Variants in NDUFA10 observed in about 807,000 individuals in gnomAD.
The protein encoded by NDUFA10 is NADH:ubiquinone oxidoreductase subunit A10, also known as NADH dehydrogenase [ubiquinone] 1 alpha subcomplex subunit 10, mitochondrial.
Under a neutral mutation model 47.8 loss-of-function variants are expected in NDUFA10, and 40 were observed. The ratio of observed to expected loss-of-function variants is 0.84; its 90% confidence interval spans 0.65 to 1.09. The LOEUF (loss-of-function observed/expected upper bound fraction) is 1.09. NDUFA10 is among the 50% of genes least tolerant of loss of function. The pLI is 0.00. For missense variants in NDUFA10, 413 were observed against 451.1 expected (o/e 0.92, Z 0.76); for synonymous variants, 183 against 172.2 (o/e 1.06, Z -0.49).
At chr2:239,905,533 G>A (rs954240835) in intron 4 of NDUFA10, among the ~76,000 whole-genome samples, 1 of 152,252 alleles carries the variant, frequency 6.6e-6, no homozygotes, top group Non-Finnish European at 1.5e-5. Flanking sequence ...TGTCGGTTCT[G>A]CACTGAGCAA....
At chr2:239,999,352 C>T (rs993914159) in intron 8 of NDUFA10, among the ~76,000 whole-genome samples, 2 of 152,226 alleles carry the variant, frequency 1.3e-5, no homozygotes, top group Non-Finnish European at 2.9e-5. Context: ...GATCTCCTCT[C>T]TACCATTCCT....
intron 5 of NDUFA10, among the ~76,000 whole-genome samples, chr2:239,893,028 C>T (rs1291282491): frequency 1.3e-5 from 2 of 152,184 alleles, no homozygotes; most frequent in South Asian, 2.1e-4. Context: ...CTTGGGGAGC[C>T]GGGACCCTCA....
At chr2:239,949,017 C>T (rs1694504207) in intron 4 of NDUFA10, among the ~76,000 whole-genome samples, 2 of 152,370 alleles carry the variant, frequency 1.3e-5, no homozygotes, top group South Asian at 4.1e-4. Context: ...AGCCCCCAAC[C>T]CCAAGCTTCC....
At position 239,960,625 on chromosome 2, in the gene NDUFA10, A is replaced by G. The variant is rs1194529274; in HGVS notation, c.*493T>C. 1.7e-5 allele frequency: 18 copies of G among 1,030,844 alleles called. No individual in the cohort carries two copies. Among genetic ancestry groups the G allele is most frequent in the Non-Finnish European group, 2.1e-5 (18 of 855,178 alleles). The allele number at this position is 1,030,844 out of a possible 1,614,324, so 63.9% of individuals were successfully genotyped here. Reference sequence around the variant, plus strand: ...CAGTAGGCCTTTAGAAAAACTCTTCAGCATAATGTAAGCCTCAATTAAACC... The same window carrying G: ...CAGTAGGCCTTTAGAAAAACTCTTCGGCATAATGTAAGCCTCAATTAAACC... On this transcript the variant is annotated 3_prime_UTR_variant, in exon 10 of 10. Transcript: ENST00000252711.
In NDUFA10 at chr2:239,959,897, C is replaced by T; in HGVS notation, c.*1221G>A. 1 of 985,482 alleles carries T rather than the reference C, an allele frequency of 1.0e-6. No homozygotes were observed. The highest frequency in any genetic ancestry group is 1.2e-6 in the Non-Finnish European group (1 of 829,948). 61.0% of individuals were successfully genotyped at this position (985,482 alleles called of 1,614,324 possible). A position where few individuals can be genotyped will look rare whatever the true frequency, so the allele number is the denominator to read the frequency against. On this transcript the variant is annotated 3_prime_UTR_variant, in exon 10 of 10. Coordinates refer to ENST00000252711, the MANE Select transcript of NDUFA10 (RefSeq NM_004544.4). ...ACGCAAGGAGGGAAGGAGTGTGCATCTTCTTCGCATGCTCCGCAGCAGCGA... is the reference window on the plus strand; with the variant it reads ...ACGCAAGGAGGGAAGGAGTGTGCATTTTCTTCGCATGCTCCGCAGCAGCGA...
Position 239,914,594 on chromosome 2 carries a change from T to G in NDUFA10, c.295-19280A>C, listed in dbSNP as rs62649973. Among the ~76,000 whole-genome samples, 29 of 113,690 alleles carry G rather than the reference T, an allele frequency of 2.6e-4. 2 individuals carry two copies. Among genetic ancestry groups the G allele is most frequent in the African/African-American group, 1.1e-3 (27 of 25,388 alleles). 74.6% of individuals were successfully genotyped at this position (113,690 alleles called of 152,430 possible). A position where few individuals can be genotyped will look rare whatever the true frequency, so the allele number is the denominator to read the frequency against. ...CACACACAGAGAACACATACATACA[T>G]AGACACACACAAATATACAGAGATA... On this transcript the variant is annotated intron_variant, in intron 4 of 5. Coordinates refer to the NDUFA10 transcript ENST00000419408.
rs184842002 is a variant in NDUFA10 at position 239,924,846 on chromosome 2, C to T, written c.295-29532G>A. On this transcript the variant is annotated intron_variant, in intron 4 of 5. Coordinates refer to the NDUFA10 transcript ENST00000419408. ...TATTTTAAAATTCTTAGAACTAATG[C>T]GTGTTCATCAAGGCTGCAGGATACA... Among the ~76,000 whole-genome samples, 14 of 152,136 alleles carry T rather than the reference C, an allele frequency of 9.2e-5. 1 individual carries two copies. The East Asian group carries it at 2.5e-3, about 27-fold the overall frequency.
At chr2:239,992,577 G>A (rs902883797) in intron 8 of NDUFA10, among the ~76,000 whole-genome samples, 2 of 152,184 alleles carry the variant, frequency 1.3e-5, no homozygotes, top group African/African-American at 4.8e-5. Context: ...CAGGAGTCAT[G>A]TAAAAATCTT....
At chr2:239,908,717 T>C (rs1693698721) in intron 4 of NDUFA10, among the ~76,000 whole-genome samples, 1 of 152,178 alleles carries the variant, frequency 6.6e-6, no homozygotes, top group Non-Finnish European at 1.5e-5. Flanking sequence ...TCGCAATACA[T>C]GAGGTACACT....
At chr2:239,968,958 A>G (rs1695201575) in intron 9 of NDUFA10, among the ~76,000 whole-genome samples, 1 of 152,242 alleles carries the variant, frequency 6.6e-6, no homozygotes. Flanking sequence ...GGCTCACCAG[A>G]AAGCTGAAAC....
chr2:239,901,830 T>C (rs1223368275), intron 4 of NDUFA10, among the ~76,000 whole-genome samples: 1 of 151,798 alleles, frequency 6.6e-6, no homozygotes, highest in Non-Finnish European at 1.5e-5. Flanking sequence ...CCAACCCTCA[T>C]AGGTGACTTA....
rs547901108 is a variant in NDUFA10 at position 239,928,301 on chromosome 2, G to T, written c.295-32987C>A. Among the ~76,000 whole-genome samples the T allele has an allele frequency of 2.0e-5, 3 of 152,110 alleles. No individual in the cohort carries two copies. The highest frequency in any genetic ancestry group is 1.9e-4 in the East Asian group (1 of 5,178). The stretch of plus-strand genomic sequence containing the variant: ...CCTCAACTGCTTTCATGTTTTCCAA[G>T]AAATAAAGGAGCACATGAATTCCAT... On this transcript the variant is annotated intron_variant, in intron 4 of 5. Transcript: ENST00000419408. The surrounding 1 kb of genome is among the most constrained non-coding windows in gnomAD (Gnocchi z 4.3).
chr2:239,953,357 G>A (rs1198352756), downstream of NDUFA10, among the ~76,000 whole-genome samples: 1 of 152,210 alleles, frequency 6.6e-6, no homozygotes, highest in Non-Finnish European at 1.5e-5. Flanking sequence ...CTGACACCTT[G>A]ATTGGAGGCC....
intron 8 of NDUFA10, among the ~76,000 whole-genome samples, chr2:240,001,205 C>T (rs1042580094): frequency 1.4e-4 from 21 of 151,762 alleles, no homozygotes; most frequent in Admixed American, 9.2e-4. Flanking sequence ...TTCCATAAAG[C>T]GTGAATTGAG....
chr2:239,968,605 G>C (rs1695180970), intron 9 of NDUFA10, among the ~76,000 whole-genome samples: 1 of 152,202 alleles, frequency 6.6e-6, no homozygotes, highest in African/African-American at 2.4e-5. Context: ...GCAGGACACA[G>C]TGACTAGATT....
intron 9 of NDUFA10, among the ~76,000 whole-genome samples, chr2:239,980,903 C>T (rs184759053): frequency 1.3e-5 from 2 of 152,196 alleles, no homozygotes; most frequent in South Asian, 2.1e-4. Context: ...AGCAAGGAGA[C>T]CCCAGCTGGC....
chr2:239,904,241 G>C (rs538382576), intron 4 of NDUFA10, among the ~76,000 whole-genome samples: 3 of 152,018 alleles, frequency 2.0e-5, no homozygotes, highest in Admixed American at 6.6e-5. Context: ...CAACCCTAAA[G>C]GTGCCTCTTC....
intron 8 of NDUFA10, among the ~76,000 whole-genome samples, chr2:240,004,188 G>A (rs963054410): frequency 3.3e-5 from 5 of 152,094 alleles, no homozygotes; most frequent in African/African-American, 1.2e-4. Context: ...TGGAGAAGAG[G>A]GGCAGCGGTG....
intron 4 of NDUFA10, among the ~76,000 whole-genome samples, chr2:239,901,636 T>C (rs1043657553): frequency 2.0e-5 from 3 of 151,926 alleles, no homozygotes; most frequent in Non-Finnish European, 4.4e-5. Flanking sequence ...AGTTTCATTA[T>C]TGAAGAAACA....
Sources: allele counts gnomAD v4.1 joint callset (sites outside exome capture counted in the v4.1 genomes callset), GRCh38; gene constraint gnomAD v4.1.1; non-coding constraint Gnocchi (gnomAD v3.1); transcripts MANE v1.5; gene names NCBI Gene and HGNC (gene_info 2026-07-23, HGNC 2026-07-21).